Variants in ZNF724 observed in about 807,000 individuals in gnomAD.
ZNF724 encodes the protein zinc finger protein 724.
Under a neutral mutation model 29.3 loss-of-function variants are expected in ZNF724, and 14 were observed. That is an observed-to-expected ratio of 0.48 (90% CI 0.32 to 0.75). The LOEUF (loss-of-function observed/expected upper bound fraction) is 0.75, where lower values mean the gene tolerates loss of function less well. Ranked by LOEUF, ZNF724 falls within the 30% of genes least tolerant of loss-of-function variation. The probability of loss-of-function intolerance (pLI) is 0.04; values close to 1 mark genes in which losing one functional copy is unlikely to be tolerated. For synonymous variants in ZNF724, 180 were observed against 193.6 expected, an observed-to-expected ratio of 0.93 and a Z score of 0.58; for missense variants, 557 against 571.2, an observed-to-expected ratio of 0.98 and a Z score of 0.25.
At chr19:23,228,793 G>C (rs1425739532) in intron 3 of ZNF724, among the ~76,000 whole-genome samples, 2 of 151,852 alleles carry the variant, frequency 1.3e-5, no homozygotes, top group African/African-American at 4.8e-5. Context: ...GGGAGGCTGA[G>C]GCAGGAGAAT....
chr19:23,240,425 A>T (rs1972100718), intron 1 of ZNF724, among the ~76,000 whole-genome samples: 1 of 152,060 alleles, frequency 6.6e-6, no homozygotes. Flanking sequence ...ACTCTGACCA[A>T]AAAAGGAGAC....
At chr19:23,233,797 GAA>G (rs34840584) in intron 1 of ZNF724, among the ~76,000 whole-genome samples, 1 of 144,148 alleles carries the variant, frequency 6.9e-6, no homozygotes. Context: ...ATGTTTAGCT[GAA>G]AAAAAAAAAA....
chr19:23,245,060 A>G (rs1972212868), intron 1 of ZNF724, among the ~76,000 whole-genome samples: 1 of 152,220 alleles, frequency 6.6e-6, no homozygotes, highest in Non-Finnish European at 1.5e-5. Flanking sequence ...TGTGTGCTCC[A>G]GAAACAGTTT....
intron 1 of ZNF724, among the ~76,000 whole-genome samples, chr19:23,249,010 CA>C (rs957715552): frequency 5.1e-5 from 6 of 117,138 alleles, no homozygotes; most frequent in South Asian, 3.1e-4. Flanking sequence ...AACAAACAAA[CA>C]AAAAAAACTA....
At chr19:23,247,075 T>A (rs979409395) in intron 1 of ZNF724, among the ~76,000 whole-genome samples, 3 of 151,978 alleles carry the variant, frequency 2.0e-5, no homozygotes, top group African/African-American at 7.2e-5. Context: ...ATACAAAAAT[T>A]AGCTGGGCAT....
chr19:23,248,467 C>CG (rs1568347629), intron 1 of ZNF724, among the ~76,000 whole-genome samples: 1 of 151,676 alleles, frequency 6.6e-6, no homozygotes, highest in African/African-American at 2.4e-5. Flanking sequence ...GTAAAAAATG[C>CG]GGGGAAAATC....
At position 23,222,281 on chromosome 19, in the gene ZNF724, G is replaced by C. The variant is rs753696808; in HGVS notation, c.*104C>G. The C allele has an allele frequency of 5.4e-5, 33 of 615,882 alleles. No individual in the cohort carries two copies. The Middle Eastern group carries it at 7.9e-4, about 15-fold the overall frequency. The allele number at this position is 615,882 out of a possible 1,614,324, so 38.2% of individuals were successfully genotyped here. A position where few individuals can be genotyped will look rare whatever the true frequency, so the allele number is the denominator to read the frequency against. On this transcript the variant is annotated 3_prime_UTR_variant, in exon 4 of 4. Transcript: ENST00000418100. ...CGGTTTCTCTCCAGTAATTCTCTTC[G>C]TTGGCCAGGATGGTCTCAATCTCTT...
At chr19:23,239,389 G>T (rs764636036) in intron 1 of ZNF724, among the ~76,000 whole-genome samples, 7 of 150,624 alleles carry the variant, frequency 4.6e-5, no homozygotes, top group Non-Finnish European at 8.9e-5. Context: ...CCACAGCTTT[G>T]TAACGATATA....
intron 3 of ZNF724, among the ~76,000 whole-genome samples, chr19:23,230,662 C>T (rs1244634084): frequency 6.6e-6 from 1 of 152,004 alleles, no homozygotes; most frequent in Non-Finnish European, 1.5e-5. Flanking sequence ...ATTAAAAAAG[C>T]AGATTTTGTA....
intron 1 of ZNF724, among the ~76,000 whole-genome samples, chr19:23,243,721 G>A (rs1157396973): frequency 6.6e-6 from 1 of 150,638 alleles, no homozygotes; most frequent in South Asian, 2.1e-4. Context: ...TCAGGAGTTC[G>A]AGACCAGCCT....
chr19:23,231,592 T>A (rs1971934605), intron 2 of ZNF724, among the ~76,000 whole-genome samples: 1 of 152,118 alleles, frequency 6.6e-6, no homozygotes, highest in Non-Finnish European at 1.5e-5. Flanking sequence ...TAGAAAACAA[T>A]ATTTTATGCC....
rs971388872 is a variant in ZNF724, at chr19:23,250,376, T to G, written c.-134A>C. 1.7e-5 allele frequency: 8 copies of G among 466,762 alleles called. No homozygotes were observed. Among genetic ancestry groups the G allele is most frequent in the Non-Finnish European group, 3.0e-5 (7 of 232,662 alleles). The allele number at this position is 466,762 out of a possible 1,614,324, so 28.9% of individuals were successfully genotyped here. On this transcript the variant is annotated 5_prime_UTR_variant, in exon 1 of 4. Transcript: ENST00000418100. ...GGAAGACGAGACCAAGCGCTCCAGC[T>G]GCAGCGAGAGACAAAGGCCCCGCCA... is the stretch of plus-strand genomic sequence containing the variant.
intron 3 of ZNF724, among the ~76,000 whole-genome samples, chr19:23,225,528 C>T (rs558640189): frequency 6.6e-6 from 1 of 152,166 alleles, no homozygotes; most frequent in African/African-American, 2.4e-5. Flanking sequence ...ATTGCCTGAA[C>T]CTGGGAGGCG....
At chr19:23,226,850 C>T (rs1481631976) in intron 3 of ZNF724, among the ~76,000 whole-genome samples, 1 of 151,696 alleles carries the variant, frequency 6.6e-6, no homozygotes, top group African/African-American at 2.4e-5. Context: ...CCTATGTTGA[C>T]TTAAAGTGTA....
At chr19:23,249,460 G>A (rs531299674) in intron 1 of ZNF724, among the ~76,000 whole-genome samples, 100 of 150,948 alleles carry the variant, frequency 6.6e-4, no homozygotes, top group Non-Finnish European at 1.3e-3. Context: ...AGCAAATGGC[G>A]TCAGCTCGCC....
intron 1 of ZNF724, among the ~76,000 whole-genome samples, chr19:23,249,880 G>T (rs182515772): frequency 5.6e-4 from 86 of 152,244 alleles, no homozygotes; most frequent in South Asian, 2.7e-3. Flanking sequence ...AAACGCAGCG[G>T]ACTAAAGCCC....
In ZNF724 at chr19:23,223,228, T is replaced by C; in HGVS notation, c.1017A>G (p.Lys339=). Residue 339 remains lysine (K), a synonymous_variant, in exon 4 of 4, where the codon AAA becomes AAG. Transcript: ENST00000418100. ...TAAAGGCTTTGCCACATTCTTCACA[T>C]TTATAAGGTTTATCACCAGTATGAA... ...KRIHTGDKPY[K]CEECGKAFNV... 2.1e-6 allele frequency: 2 copies of C among 962,058 alleles called. No homozygotes were observed. The highest frequency in any genetic ancestry group is 3.4e-6 in the Non-Finnish European group (2 of 588,812). 59.6% of individuals were successfully genotyped at this position (962,058 alleles called of 1,614,324 possible).
At chr19:23,231,856 C>T (rs1971938798) in intron 2 of ZNF724, among the ~76,000 whole-genome samples, 1 of 152,070 alleles carries the variant, frequency 6.6e-6, no homozygotes, top group Non-Finnish European at 1.5e-5. Context: ...GCCTCAGCCT[C>T]CCAAGTAGCT....
rs1972331025 is a variant in ZNF724, at chr19:23,250,325, C to T, written c.-83G>A. The T allele has an allele frequency of 1.8e-6, 1 of 552,786 alleles. No individual in the cohort carries two copies. Among genetic ancestry groups the T allele is most frequent in the South Asian group, 1.4e-5 (1 of 71,914 alleles). The allele number at this position is 552,786 out of a possible 1,614,324, so 34.2% of individuals were successfully genotyped here. Reference sequence around the variant, plus strand: ...GGTCAGAGGGCCACAGAGGCTGGGCCTCTAAGAGCAGGGGACACAAAGCAG... The same window carrying T: ...GGTCAGAGGGCCACAGAGGCTGGGCTTCTAAGAGCAGGGGACACAAAGCAG... On this transcript the variant is annotated 5_prime_UTR_variant, in exon 1 of 4. Transcript: ENST00000418100.
Sources: allele counts gnomAD v4.1 joint callset (sites outside exome capture counted in the v4.1 genomes callset), GRCh38; gene constraint gnomAD v4.1.1; transcripts MANE v1.5; gene names NCBI Gene and HGNC (gene_info 2026-07-23, HGNC 2026-07-21).